CENPC: variants seen among roughly 807,000 people sequenced by gnomAD.
CENPC encodes the protein CENP-C 1.
In CENPC, 63 loss-of-function variants were observed where a neutral mutation model predicts 112.1. The ratio of observed to expected loss-of-function variants is 0.56; its 90% CI spans 0.46 to 0.69. CENPC has a LOEUF of 0.69. Ranked by LOEUF, CENPC falls within the 30% of genes least tolerant of loss-of-function variation. The pLI, the probability that CENPC is intolerant of heterozygous loss-of-function variation, is 0.00. For missense variants in CENPC, 1,000 were observed against 1,103.8 expected, an observed-to-expected ratio of 0.91 and a Z score of 1.33; for synonymous variants, 333 against 367.6, an observed-to-expected ratio of 0.91 and a Z score of 1.08.
intron 18 of CENPC, among the ~76,000 whole-genome samples, chr4:67,473,088 T>G (rs911089924): frequency 1.3e-5 from 2 of 152,160 alleles, no homozygotes; most frequent in Non-Finnish European, 2.9e-5. Flanking sequence ...TTACTTATTT[T>G]TTGTTTTTGT....
intron 7 of CENPC, 24 bp downstream of exon 7, chr4:67,518,132 A>AAGGGC: frequency 7.7e-7 from 1 of 1,294,366 alleles, no homozygotes; most frequent in Non-Finnish European, 1.1e-6. Context: ...AAATGTCTCA[A>AAGGGC]AGGGCAGTTT....
chr4:67,531,345 G>A (rs1015806562), intron 4 of CENPC, among the ~76,000 whole-genome samples: 4 of 152,098 alleles, frequency 2.6e-5, no homozygotes, highest in South Asian at 2.1e-4. Flanking sequence ...AAATAGACAC[G>A]TAAAACACTG....
intron 4 of CENPC, among the ~76,000 whole-genome samples, chr4:67,534,814 T>C (rs1248365905): frequency 6.6e-6 from 1 of 152,194 alleles, no homozygotes; most frequent in East Asian, 1.9e-4. Context: ...GTTTCCCACT[T>C]TCAAACAAGA....
chr4:67,494,591 G>C (rs1428563084), intron 13 of CENPC, among the ~76,000 whole-genome samples: 1 of 130,372 alleles, frequency 7.7e-6, no homozygotes, highest in Admixed American at 7.9e-5. Flanking sequence ...TTGGTAATCT[G>C]AGTATGAGTG....
rs1266346686 is a variant in CENPC at position 67,508,899 on chromosome 4, C to A, written c.1819G>T (p.Asp607Tyr). Residue 607 changes from aspartate to tyrosine, a missense_variant, in exon 10 of 19, where the codon GAT (aspartate) becomes TAT (tyrosine). Physicochemically the swap from Asp to Tyr is radical, Grantham distance 160. Transcript: ENST00000273853. Reference sequence around the variant, plus strand: ...CTCAGCGAACATCTGGAAATTTCATCATGACCAACGATACCTCCAGAACCT... The same window carrying A: ...CTCAGCGAACATCTGGAAATTTCATAATGACCAACGATACCTCCAGAACCT... ...AEGSGGIVGHDEISRCSLSEP... is the reference protein window; with the variant it reads ...AEGSGGIVGHYEISRCSLSEP... The A allele has an allele frequency of 6.2e-7, 1 of 1,613,724 alleles. No individual in the cohort carries two copies. Among genetic ancestry groups the A allele is most frequent in the Non-Finnish European group, 8.5e-7 (1 of 1,179,754 alleles).
chr4:67,479,523 A>T (rs1724896703), intron 17 of CENPC, among the ~76,000 whole-genome samples: 1 of 152,242 alleles, frequency 6.6e-6, no homozygotes, highest in Admixed American at 6.5e-5. Flanking sequence ...CTTTGAACTG[A>T]ACAATAATAG....
Position 67,516,980 on chromosome 4 carries a change from TA to T in CENPC, c.830+1175del, listed in dbSNP as rs754760779. ...CTCACTAGAGTATCAAAAAGAACAT[TA>T]AAAAATAATTTCTCAGACATTATAT... is the stretch of plus-strand genomic sequence containing the variant. On this transcript the variant is annotated intron_variant, in intron 7 of 18. Coordinates refer to ENST00000273853, the MANE Select transcript of CENPC (RefSeq NM_001812.4). 8.6e-5 allele frequency among the ~76,000 whole-genome samples: 13 copies of T among 151,942 alleles called. 1 individual carries two copies. Among genetic ancestry groups the T allele is most frequent in the African/African-American group, 2.9e-4 (12 of 41,240 alleles).
intron 4 of CENPC, among the ~76,000 whole-genome samples, chr4:67,536,650 T>C (rs1726726688): frequency 6.6e-6 from 1 of 151,832 alleles, no homozygotes; most frequent in Admixed American, 6.6e-5. Flanking sequence ...GCTTGCTGCA[T>C]GGAAAGGCCC....
At chr4:67,542,835 A>G (rs890593378) in intron 2 of CENPC, among the ~76,000 whole-genome samples, 2 of 152,190 alleles carry the variant, frequency 1.3e-5, no homozygotes, top group African/African-American at 4.8e-5. Flanking sequence ...GCACAGCTAT[A>G]AATACACTCC....
chr4:67,492,392 G>C, intron 15 of CENPC, 117 bp from the exon 16 acceptor site: 1 of 562,548 alleles, frequency 1.8e-6, no homozygotes, highest in South Asian at 3.1e-5. Context: ...ACGCAAAGAA[G>C]TCTCTTCCTA....
chr4:67,540,396 C>A (rs1726854434), intron 3 of CENPC, among the ~76,000 whole-genome samples: 1 of 152,164 alleles, frequency 6.6e-6, no homozygotes, highest in African/African-American at 2.4e-5. Flanking sequence ...TGGCTAGATG[C>A]AGTGGCTTAT....
chr4:67,544,774 T>A (rs977079854), intron 1 of CENPC, among the ~76,000 whole-genome samples: 4 of 152,228 alleles, frequency 2.6e-5, no homozygotes, highest in African/African-American at 7.2e-5. Flanking sequence ...CAATAACATA[T>A]GCTCCATAAA....
chr4:67,529,525 C>T (rs1232996124), intron 5 of CENPC, among the ~76,000 whole-genome samples: 1 of 151,922 alleles, frequency 6.6e-6, no homozygotes, highest in Non-Finnish European at 1.5e-5. Context: ...GGAGTTTTAC[C>T]ATGTTGGCCA....
chr4:67,481,610 C>A (rs992866079), intron 17 of CENPC, among the ~76,000 whole-genome samples: 1 of 152,120 alleles, frequency 6.6e-6, no homozygotes, highest in Non-Finnish European at 1.5e-5. Flanking sequence ...ATACTTACAG[C>A]CAACTGATCT....
intron 15 of CENPC, 186 bp downstream of exon 15, chr4:67,492,683 A>AT (rs1241568650): frequency 5.0e-6 from 5 of 1,000,834 alleles, no homozygotes; most frequent in East Asian, 7.2e-5. Context: ...GCTATTAATA[A>AT]TTTTTTAAGA....
At chr4:67,533,843 G>A (rs1030262520) in intron 4 of CENPC, among the ~76,000 whole-genome samples, 1 of 152,046 alleles carries the variant, frequency 6.6e-6, no homozygotes, top group Non-Finnish European at 1.5e-5. Context: ...TTCAAGATCA[G>A]CCTGGGAAAC....
chr4:67,530,242 G>A (rs1560441483), intron 5 of CENPC, among the ~76,000 whole-genome samples: 1 of 152,134 alleles, frequency 6.6e-6, no homozygotes, highest in Non-Finnish European at 1.5e-5. Context: ...CTCAAACTCT[G>A]GCAATCATGG....
chr4:67,495,403 G>A (rs1471428032), intron 12 of CENPC, among the ~76,000 whole-genome samples, 191 bp from the exon 13 acceptor site: 1 of 152,130 alleles, frequency 6.6e-6, no homozygotes, highest in African/African-American at 2.4e-5. Context: ...TCTAGACTTT[G>A]CTACAATGAA....
At chr4:67,534,371 G>A (rs573839703) in intron 4 of CENPC, among the ~76,000 whole-genome samples, 8 of 151,648 alleles carry the variant, frequency 5.3e-5, no homozygotes, top group Non-Finnish European at 8.8e-5. Context: ...AGCCGAAATC[G>A]TGCCACTGCA....
Sources: gnomAD v4.1 joint callset for allele counts (sites outside exome capture counted in the v4.1 genomes callset) on GRCh38, gnomAD v4.1.1 for gene constraint, MANE v1.5 for transcripts, NCBI Gene and HGNC (gene_info 2026-07-23, HGNC 2026-07-21) for gene names.